Variants in TMPRSS11D observed in about 807,000 individuals in gnomAD.
TMPRSS11D encodes transmembrane protease serine 11D.
Under a neutral mutation model 44.4 loss-of-function variants are expected in TMPRSS11D, and 32 were observed. That is an observed-to-expected ratio of 0.72 (90% CI 0.54 to 0.97). The LOEUF is 0.97. Ranked by LOEUF, TMPRSS11D falls within the 50% of genes least tolerant of loss-of-function variation. TMPRSS11D has a pLI of 0.00. For missense variants in TMPRSS11D, 446 were observed against 502.6 expected (o/e 0.89, Z 1.08); for synonymous variants, 179 against 177.9 (o/e 1.01, Z -0.05).
chr4:67,821,159 A>G lies in TMPRSS11D; in HGVS notation c.*1178T>C, dbSNP rs1717624822. On this transcript the variant is annotated 3_prime_UTR_variant, in exon 10 of 10. Transcript: ENST00000283916. ...CTGTACTAGGAGCTCATAAAAACTCAGGAATATTAGTGATTCAGACTACAG... is the reference window on the plus strand; with the variant it reads ...CTGTACTAGGAGCTCATAAAAACTCGGGAATATTAGTGATTCAGACTACAG... 6.6e-6 allele frequency: 1 copy of G among 152,228 alleles called. No homozygotes were observed. The highest frequency in any genetic ancestry group is 1.5e-5 in the Non-Finnish European group (1 of 68,040). 9.4% of individuals were successfully genotyped at this position (152,228 alleles called of 1,614,324 possible).
intron 8 of TMPRSS11D, among the ~76,000 whole-genome samples, chr4:67,826,849 C>T (rs1717806403): frequency 6.6e-6 from 1 of 151,828 alleles, no homozygotes; most frequent in Non-Finnish European, 1.5e-5. Context: ...TTTCTTAAGA[C>T]CAGAGTTTGA....
At chr4:67,830,610 C>A (rs907870657) in intron 7 of TMPRSS11D, among the ~76,000 whole-genome samples, 4 of 151,854 alleles carry the variant, frequency 2.6e-5, no homozygotes, top group Non-Finnish European at 4.4e-5. Context: ...ACAAACAAAC[C>A]TATGTTGTTT....
intron 1 of TMPRSS11D, chr4:67,860,386 C>T (rs1162311431): frequency 6.6e-6 from 1 of 152,032 alleles, no homozygotes; most frequent in Non-Finnish European, 1.5e-5. Context: ...TCCAGTTTTA[C>T]CCTTTGTTTG....
intron 4 of TMPRSS11D, chr4:67,838,880 C>G (rs1280201169): frequency 6.6e-6 from 1 of 152,012 alleles, no homozygotes; most frequent in Non-Finnish European, 1.5e-5. Flanking sequence ...CAAATTTTAA[C>G]TTTTGTCGTA....
intron 3 of TMPRSS11D, among the ~76,000 whole-genome samples, chr4:67,843,074 A>G (rs1304313807): frequency 6.6e-6 from 1 of 151,580 alleles, no homozygotes; most frequent in African/African-American, 2.4e-5. Flanking sequence ...GAAAACTTGA[A>G]GAGAAGGGGA....
intron 7 of TMPRSS11D, among the ~76,000 whole-genome samples, chr4:67,830,639 G>C (rs1717923135): frequency 6.6e-6 from 1 of 151,982 alleles, no homozygotes; most frequent in Admixed American, 6.6e-5. Flanking sequence ...AACTTCTTTT[G>C]CTCGGAGTCT....
At chr4:67,828,568 T>A (rs1595933) in intron 7 of TMPRSS11D, among the ~76,000 whole-genome samples, 1 of 152,068 alleles carries the variant, frequency 6.6e-6, no homozygotes, top group Middle Eastern at 3.4e-3. Flanking sequence ...CAATTCTGAC[T>A]GAAAAACTAA....
At chr4:67,863,607 C>G (rs188497466) in intron 1 of TMPRSS11D, among the ~76,000 whole-genome samples, 26 of 152,114 alleles carry the variant, frequency 1.7e-4, no homozygotes, top group Admixed American at 1.3e-3. Context: ...TCATAAAACA[C>G]TTCTAAGGGG....
At chr4:67,849,551 T>A (rs1718444339) in intron 3 of TMPRSS11D, among the ~76,000 whole-genome samples, 1 of 152,032 alleles carries the variant, frequency 6.6e-6, no homozygotes, top group Non-Finnish European at 1.5e-5. Flanking sequence ...TGAGGCAGGC[T>A]GGGAAAATGA....
rs1717614869 is a variant in TMPRSS11D, at chr4:67,820,926, T to C, written c.*1411A>G. On this transcript the variant is annotated 3_prime_UTR_variant, in exon 10 of 10. Transcript: ENST00000283916. ...ATAAAGTATAGCAAAGATTTGTTTGTACAGTTCGCCAAGAGTTGGTTGCAT... is the reference window on the plus strand; with the variant it reads ...ATAAAGTATAGCAAAGATTTGTTTGCACAGTTCGCCAAGAGTTGGTTGCAT... 6.6e-6 allele frequency: 1 copy of C among 152,260 alleles called. No homozygotes were observed. The highest frequency in any genetic ancestry group is 2.1e-4 in the South Asian group (1 of 4,836). 9.4% of individuals were successfully genotyped at this position (152,260 alleles called of 1,614,324 possible). A position where few individuals can be genotyped will look rare whatever the true frequency, so the allele number is the denominator to read the frequency against.
chr4:67,878,081 T>TA (rs1315784666), intron 1 of TMPRSS11D, among the ~76,000 whole-genome samples: 1 of 152,232 alleles, frequency 6.6e-6, no homozygotes, highest in East Asian at 1.9e-4. Flanking sequence ...GCTATGTCTT[T>TA]AACAATTTTG....
chr4:67,851,026 G>A (rs1008987352), intron 3 of TMPRSS11D, among the ~76,000 whole-genome samples: 2 of 152,130 alleles, frequency 1.3e-5, no homozygotes, highest in Non-Finnish European at 2.9e-5. Flanking sequence ...CCAGGCCTTT[G>A]ACTACCTGCC....
rs1406898006 is a variant in TMPRSS11D, at chr4:67,860,867, T to C, written c.9-1189A>G. On this transcript the variant is annotated intron_variant, in intron 1 of 9. Transcript: ENST00000283916. ...ATTTCACTGCAATGTTGCCTGGTATTGTTTGGGCTCTACTCAACTCACAAG... is the reference window on the plus strand; with the variant it reads ...ATTTCACTGCAATGTTGCCTGGTATCGTTTGGGCTCTACTCAACTCACAAG... 4.6e-5 allele frequency among the ~76,000 whole-genome samples: 7 copies of C among 152,240 alleles called. No individual in the cohort carries two copies. The East Asian group carries it at 1.4e-3, about 29-fold the overall frequency.
chr4:67,862,303 G>A (rs895405557), intron 1 of TMPRSS11D, among the ~76,000 whole-genome samples: 3 of 152,122 alleles, frequency 2.0e-5, no homozygotes, highest in Non-Finnish European at 4.4e-5. Context: ...GACTCAGAGA[G>A]TGAATAACTT....
intron 1 of TMPRSS11D, among the ~76,000 whole-genome samples, chr4:67,863,953 CT>C (rs1441431418): frequency 3.3e-5 from 5 of 151,908 alleles, no homozygotes; most frequent in Admixed American, 6.6e-5. Flanking sequence ...CTTAGTCCCC[CT>C]GCGACATGTT....
intron 8 of TMPRSS11D, 27 bp from the exon 9 acceptor site, chr4:67,825,901 A>G: frequency 6.3e-7 from 1 of 1,596,844 alleles, no homozygotes; most frequent in East Asian, 2.2e-5. Flanking sequence ...CAGGAAAAAA[A>G]TGGACTTCAA....
chr4:67,822,241 C>T lies in TMPRSS11D; in HGVS notation c.*96G>A, dbSNP rs1031297768. The T allele has an allele frequency of 1.3e-5, 17 of 1,322,798 alleles. No individual in the cohort carries two copies. The African/African-American group carries it at 2.5e-4, about 19-fold the overall frequency. The allele number at this position is 1,322,798 out of a possible 1,614,324, so 81.9% of individuals were successfully genotyped here. ...TATGTAACAAGATGTTAAATTAGGA[C>T]ATTTCTAGTTTCTTTTTCAGTTGAA... is the stretch of plus-strand genomic sequence containing the variant. On this transcript the variant is annotated 3_prime_UTR_variant, in exon 10 of 10. Coordinates refer to ENST00000283916, the MANE Select transcript of TMPRSS11D (RefSeq NM_004262.3).
chr4:67,829,093 T>G (rs1196138597), intron 7 of TMPRSS11D, among the ~76,000 whole-genome samples: 3 of 151,206 alleles, frequency 2.0e-5, no homozygotes, highest in Non-Finnish European at 4.4e-5. Flanking sequence ...CTGATTTGAC[T>G]TCCTCTGACT....
chr4:67,864,095 T>C (rs1297021547), intron 1 of TMPRSS11D, among the ~76,000 whole-genome samples: 1 of 151,864 alleles, frequency 6.6e-6, no homozygotes, highest in Non-Finnish European at 1.5e-5. Context: ...AATTAATTAG[T>C]TTAATTTATT....
Sources: allele counts gnomAD v4.1 joint callset (sites outside exome capture counted in the v4.1 genomes callset), GRCh38; gene constraint gnomAD v4.1.1; transcripts MANE v1.5; gene names NCBI Gene and HGNC (gene_info 2026-07-23, HGNC 2026-07-21).